The following UNC13A variants were observed in gnomAD, a reference collection of about 807,000 sequenced individuals.
UNC13A encodes protein unc-13 homolog A.
In UNC13A, 61 loss-of-function variants were observed where a neutral mutation model predicts 219.7. The observed-to-expected ratio is 0.28, with a 90% CI of 0.23 to 0.34. UNC13A has a LOEUF of 0.34. Ranked by LOEUF, UNC13A falls within the 10% of genes least tolerant of loss-of-function variation. The probability of loss-of-function intolerance (pLI) is 1.00; values close to 1 mark genes in which losing one functional copy is unlikely to be tolerated. For missense variants in UNC13A, 1,476 were observed against 2,270.3 expected (o/e 0.65, Z 7.11); for synonymous variants, 920 against 884.6 (o/e 1.04, Z -0.71).
chr19:17,667,723 C>T (rs943831649), intron 6 of UNC13A, among the ~76,000 whole-genome samples: 24 of 152,018 alleles, frequency 1.6e-4, no homozygotes, highest in African/African-American at 5.8e-4. Flanking sequence ...AATCTGCCCG[C>T]CACAGCCTCC....
chr19:17,606,694 C>T (rs2076535302), intron 43 of UNC13A, among the ~76,000 whole-genome samples: 1 of 152,048 alleles, frequency 6.6e-6, no homozygotes, highest in East Asian at 1.9e-4. Flanking sequence ...GCGCCTGTGC[C>T]CTCTGCCGGC....
In UNC13A at chr19:17,674,817, A is replaced by G; in HGVS notation, c.53-61T>C. ...CAGGGACTCTCCAATGCCCCTTCCCAAGCTCTAGACCATCTGCTGTGATCC... is the reference window on the plus strand; with the variant it reads ...CAGGGACTCTCCAATGCCCCTTCCCGAGCTCTAGACCATCTGCTGTGATCC... On this transcript the variant is annotated intron_variant, in intron 2 of 43. Transcript: ENST00000519716. The surrounding 1 kb of genome is among the most constrained non-coding windows in gnomAD (Gnocchi z 5.0). The G allele has an allele frequency of 7.1e-7, 1 of 1,409,988 alleles. No homozygotes were observed. The highest frequency in any genetic ancestry group is 1.0e-6 in the Non-Finnish European group (1 of 996,410). 87.3% of individuals were successfully genotyped at this position (1,409,988 alleles called of 1,614,324 possible).
chr19:17,645,321 C>T (rs1204107226), intron 19 of UNC13A, among the ~76,000 whole-genome samples: 1 of 152,146 alleles, frequency 6.6e-6, no homozygotes, highest in Non-Finnish European at 1.5e-5. Context: ...AGCCTGGATT[C>T]TTAAAGCTCA....
intron 43 of UNC13A, among the ~76,000 whole-genome samples, 170 bp downstream of exon 43, chr19:17,609,770 T>A (rs1427163890): frequency 2.0e-5 from 3 of 152,166 alleles, no homozygotes; most frequent in African/African-American, 7.2e-5. Flanking sequence ...CTCCCTGATG[T>A]CATTCCTGCA....
rs370625317 is a variant in UNC13A at position 17,618,948 on chromosome 19, G to A, written c.4287C>T (p.Ile1429=). 4.5e-5 allele frequency: 72 copies of A among 1,613,868 alleles called. No homozygotes were observed. The highest frequency in any genetic ancestry group is 1.6e-4 in the Middle Eastern group (1 of 6,084). ...LPSHSDGTQM[I]FNAAKELGQL... ...GACCCAGCTCCTTGGCTGCATTGAAGATCATCTGGGTTCCCTGCAGGTAAC... is the reference window on the plus strand; with the variant it reads ...GACCCAGCTCCTTGGCTGCATTGAAAATCATCTGGGTTCCCTGCAGGTAAC... Residue 1429 remains isoleucine (I), a synonymous_variant, in exon 39 of 44, where the codon ATC becomes ATT. Transcript: ENST00000519716.
chr19:17,640,337 C>A (rs958190102), intron 22 of UNC13A, among the ~76,000 whole-genome samples, 174 bp downstream of exon 22: 3 of 152,180 alleles, frequency 2.0e-5, no homozygotes, highest in Non-Finnish European at 4.4e-5. Context: ...CTGCGCCCGA[C>A]CTCCATTCTA....
chr19:17,642,738 T>C, intron 20 of UNC13A, 107 bp downstream of exon 20: 1 of 933,142 alleles, frequency 1.1e-6, no homozygotes, highest in Non-Finnish European at 1.6e-6. Context: ...GCGGGCAGTC[T>C]CAGAGGGCCA....
In UNC13A at chr19:17,674,376, C is replaced by T. The variant is rs998403395; in HGVS notation, c.152+281G>A. Among the ~76,000 whole-genome samples the T allele has an allele frequency of 6.6e-6, 1 of 152,162 alleles. No homozygotes were observed. The highest frequency in any genetic ancestry group is 1.5e-5 in the Non-Finnish European group (1 of 68,042). ...TGATTTGCAGTTTTAAAAATATCCC[C>T]CTGGCTGCCTGGAGGAGAACAGATT... On this transcript the variant is annotated intron_variant, in intron 3 of 43. Coordinates refer to ENST00000519716, the MANE Select transcript of UNC13A (RefSeq NM_001080421.3). The surrounding 1 kb of genome is among the most constrained non-coding windows in gnomAD (Gnocchi z 5.0).
chr19:17,621,732 C>A (rs1452828255), intron 37 of UNC13A, 100 bp downstream of exon 37: 3 of 1,316,172 alleles, frequency 2.3e-6, no homozygotes, highest in Admixed American at 3.4e-5. Flanking sequence ...ACCCACGACC[C>A]CCAGCTGCCC....
chr19:17,652,485 A>G lies in UNC13A; in HGVS notation c.1439+146T>C. The G allele has an allele frequency of 5.4e-6, 5 of 928,436 alleles. No individual in the cohort carries two copies. The South Asian group carries it at 5.9e-5, about 11-fold the overall frequency. The allele number at this position is 928,436 out of a possible 1,614,324, so 57.5% of individuals were successfully genotyped here. A position where few individuals can be genotyped will look rare whatever the true frequency, so the allele number is the denominator to read the frequency against. On this transcript the variant is annotated intron_variant, in intron 12 of 43. Coordinates refer to ENST00000519716, the MANE Select transcript of UNC13A (RefSeq NM_001080421.3). ...TCTGCGTATGGCTGTGTGCCTTATG[A>G]AAGTGACGTATTTTGCCCAAGCTCA... is the stretch of plus-strand genomic sequence containing the variant.
chr19:17,663,447 G>A, intron 8 of UNC13A, 85 bp downstream of exon 8: 3 of 1,483,316 alleles, frequency 2.0e-6, no homozygotes, highest in East Asian at 2.3e-5. Context: ...GCTTCCCTGT[G>A]TGGTAGTGGG....
At chr19:17,614,384 G>A (rs2076638819) in intron 41 of UNC13A, 1 of 152,132 alleles carries the variant, frequency 6.6e-6, no homozygotes, top group African/African-American at 2.4e-5. Flanking sequence ...GCTTCTGTTT[G>A]GGGCCACCAG....
In UNC13A at chr19:17,640,612, C is replaced by T. The variant is rs1269854450; in HGVS notation, c.2686G>A (p.Val896Ile). 1.7e-5 allele frequency: 27 copies of T among 1,588,576 alleles called. No homozygotes were observed. The highest frequency in any genetic ancestry group is 2.7e-5 in the African/African-American group (2 of 74,544). Residue 896 changes from valine to isoleucine, a missense_variant, in exon 22 of 44, where the codon GTC becomes ATC. By Grantham distance (29) the Val-to-Ile change is conservative. Transcript: ENST00000519716. ...ATGTTGGCGAGCAGGGTGCTCATGACGGCAGGCACCCCTGGGCACATATAC... is the reference window on the plus strand; with the variant it reads ...ATGTTGGCGAGCAGGGTGCTCATGATGGCAGGCACCCCTGGGCACATATAC... ...SKYMCPGVPAVMSTLLANINA... is the reference protein window; with the variant it reads ...SKYMCPGVPAIMSTLLANINA...
intron 34 of UNC13A, among the ~76,000 whole-genome samples, chr19:17,625,159 T>C (rs56382754): frequency 0.12 from 17,825 of 152,008 alleles, 1,186 homozygotes; most frequent in Middle Eastern, 0.2. Context: ...AGGGACCAGA[T>C]GGGAAGGGGC....
chr19:17,643,923 C>T (rs1021914699), intron 19 of UNC13A, among the ~76,000 whole-genome samples: 3 of 152,076 alleles, frequency 2.0e-5, no homozygotes, highest in Admixed American at 2.0e-4. Flanking sequence ...CAGACTAGGA[C>T]CCCCTGGTCT....
At chr19:17,648,759 G>C in intron 15 of UNC13A, 109 bp from the exon 16 acceptor site, 1 of 1,505,230 alleles carries the variant, frequency 6.6e-7, no homozygotes, top group Non-Finnish European at 9.1e-7. Context: ...GCCCTCCCCT[G>C]CCTCCACGCT....
intron 9 of UNC13A, 72 bp from the exon 10 acceptor site, chr19:17,656,470 C>CCA (rs2145867997): frequency 7.2e-7 from 1 of 1,386,064 alleles, no homozygotes; most frequent in East Asian, 2.5e-5. Context: ...GTCACACAGG[C>CCA]ATTGACTCAT....
At position 17,640,678 on chromosome 19, in the gene UNC13A, G is replaced by A; in HGVS notation, c.2637-17C>T. On this transcript the variant is annotated splice_polypyrimidine_tract_variant and intron_variant, in intron 21 of 43. Transcript: ENST00000519716. ...GCAAAGTGGCTGGAGAGAGGGAGCA[G>A]GAGGCACTAGGCCAGGGGTCCAGCC... 1 of 1,563,918 alleles carries A rather than the reference G, an allele frequency of 6.4e-7. No individual in the cohort carries two copies.
chr19:17,629,154 G>T lies in UNC13A; in HGVS notation c.3753+86C>A, dbSNP rs2076815248. The T allele has an allele frequency of 3.4e-6, 4 of 1,176,958 alleles. No homozygotes were observed. The Admixed American group carries it at 6.1e-5, about 18-fold the overall frequency. The allele number at this position is 1,176,958 out of a possible 1,614,324, so 72.9% of individuals were successfully genotyped here. ...ACACAGGTGGACATACATAGCCCCAGGTGTCAGGGCCCTGGGGAGAAGGGA... is the reference window on the plus strand; with the variant it reads ...ACACAGGTGGACATACATAGCCCCATGTGTCAGGGCCCTGGGGAGAAGGGA... On this transcript the variant is annotated intron_variant, in intron 31 of 43. Coordinates refer to ENST00000519716, the MANE Select transcript of UNC13A (RefSeq NM_001080421.3).
Sources: gnomAD v4.1 joint callset for allele counts (sites outside exome capture counted in the v4.1 genomes callset) on GRCh38, gnomAD v4.1.1 for gene constraint, Gnocchi (gnomAD v3.1) non-coding constraint, MANE v1.5 for transcripts, NCBI Gene and HGNC (gene_info 2026-07-23, HGNC 2026-07-21) for gene names.